The following NBAS variants were observed in gnomAD, a reference collection of about 807,000 sequenced individuals.
NBAS encodes the protein NAG/BC035112 fusion.
Under a neutral mutation model 302.5 loss-of-function variants are expected in NBAS, and 219 were observed. The ratio of observed to expected loss-of-function variants is 0.72; its 90% confidence interval spans 0.65 to 0.81. The LOEUF (loss-of-function observed/expected upper bound fraction) is 0.81, where lower values mean the gene tolerates loss of function less well. Among genes scored for constraint, NBAS ranks in the 30% least tolerant of loss-of-function variants. The pLI is 0.00. For missense variants in NBAS, 2,932 were observed against 2,841.6 expected, an observed-to-expected ratio of 1.03 and a Z score of -0.72; for synonymous variants, 1,118 against 1,021.6, an observed-to-expected ratio of 1.09 and a Z score of -1.80.
the NBAS span, among the ~76,000 whole-genome samples, chr2:15,111,584 G>A: frequency 1.3e-5 from 2 of 151,950 alleles, no homozygotes; most frequent in African/African-American, 4.8e-5. Flanking sequence ...CTCTCTATGT[G>A]CCCTCTACAT....
chr2:14,836,275 T>C, the NBAS span, among the ~76,000 whole-genome samples: 2 of 151,940 alleles, frequency 1.3e-5, no homozygotes, highest in East Asian at 1.9e-4. Flanking sequence ...TATTGATGGA[T>C]AGAAGTTTTT....
chr2:14,912,781 A>T, the NBAS span, among the ~76,000 whole-genome samples: 1 of 151,702 alleles, frequency 6.6e-6, no homozygotes, highest in African/African-American at 2.4e-5. Flanking sequence ...CATCTGTTAC[A>T]AGGGAATTTT....
intron 11 of NBAS, among the ~76,000 whole-genome samples, chr2:15,491,984 G>C (rs1456040443): frequency 6.6e-6 from 1 of 152,124 alleles, no homozygotes. Flanking sequence ...GTATTAACTA[G>C]AATGTTCCCA....
At chr2:15,182,188 G>A (rs765498431) in intron 50 of NBAS, among the ~76,000 whole-genome samples, 1 of 152,210 alleles carries the variant, frequency 6.6e-6, no homozygotes, top group African/African-American at 2.4e-5. Flanking sequence ...CCTGCTGCTC[G>A]ACCTCCAGGG....
At chr2:15,509,182 T>C (rs1662020837) in intron 10 of NBAS, among the ~76,000 whole-genome samples, 1 of 152,204 alleles carries the variant, frequency 6.6e-6, no homozygotes, top group African/African-American at 2.4e-5. Context: ...CATCATAGCA[T>C]ATATTAGTGC....
chr2:15,144,454 T>C, the NBAS span, among the ~76,000 whole-genome samples: 5 of 152,218 alleles, frequency 3.3e-5, no homozygotes, highest in Non-Finnish European at 5.9e-5. Context: ...TTACTATTGA[T>C]TCAGATACAA....
At chr2:14,956,611 G>T in the NBAS span, among the ~76,000 whole-genome samples, 1 of 152,164 alleles carries the variant, frequency 6.6e-6, no homozygotes, top group African/African-American at 2.4e-5. Flanking sequence ...TTACAATCAT[G>T]GCAGAAAAGG....
the NBAS span, among the ~76,000 whole-genome samples, chr2:15,135,943 C>T: frequency 2.6e-5 from 4 of 150,996 alleles, no homozygotes; most frequent in African/African-American, 9.7e-5. Flanking sequence ...TGTTTTGGGT[C>T]GCATTCAAAG....
At chr2:14,845,163 T>A in the NBAS span, among the ~76,000 whole-genome samples, 2 of 152,130 alleles carry the variant, frequency 1.3e-5, no homozygotes, top group African/African-American at 4.8e-5. Context: ...GCCACAGGGG[T>A]GCTTGTGTCA....
intron 22 of NBAS, among the ~76,000 whole-genome samples, chr2:15,425,862 T>C (rs1677446281): frequency 6.6e-6 from 1 of 152,094 alleles, no homozygotes; most frequent in South Asian, 2.1e-4. Flanking sequence ...CGCTCCTCCT[T>C]CTGGAAATGC....
At chr2:15,225,975 C>T (rs1667136471) in intron 47 of NBAS, among the ~76,000 whole-genome samples, 1 of 152,126 alleles carries the variant, frequency 6.6e-6, no homozygotes, top group African/African-American at 2.4e-5. Context: ...CACTTGGGAG[C>T]TGGTTAGAAA....
At chr2:14,894,649 C>T in the NBAS span, among the ~76,000 whole-genome samples, 2 of 151,896 alleles carry the variant, frequency 1.3e-5, no homozygotes, top group African/African-American at 4.8e-5. Context: ...GGAATACTGC[C>T]ATATTGAAGG....
chr2:15,112,242 CAG>C, the NBAS span, among the ~76,000 whole-genome samples: 800 of 150,990 alleles, frequency 5.3e-3, 6 homozygotes, highest in South Asian at 0.03. Context: ...AAATAGAACT[CAG>C]AAAAAAGAGA....
intron 12 of NBAS, among the ~76,000 whole-genome samples, chr2:15,479,641 C>G (rs1288942522): frequency 1.3e-5 from 2 of 152,148 alleles, no homozygotes; most frequent in African/African-American, 4.8e-5. Context: ...ATAAATAACT[C>G]TCACTTGAGA....
chr2:15,548,408 G>A (rs961401494), intron 6 of NBAS, among the ~76,000 whole-genome samples: 2 of 152,186 alleles, frequency 1.3e-5, no homozygotes, highest in African/African-American at 2.4e-5. Context: ...TTGGGAGGCT[G>A]AGGCAGGTGG....
At chr2:15,038,347 G>A in the NBAS span, among the ~76,000 whole-genome samples, 1 of 151,970 alleles carries the variant, frequency 6.6e-6, no homozygotes, top group South Asian at 2.1e-4. Context: ...TCCTGACCTT[G>A]TGATTCGCCT....
chr2:15,102,614 G>A, the NBAS span, among the ~76,000 whole-genome samples: 1 of 152,236 alleles, frequency 6.6e-6, no homozygotes, highest in South Asian at 2.1e-4. Context: ...GCACTCACAG[G>A]TTTGATTAAG....
rs760645953 is a variant in NBAS, at chr2:15,492,096, G to A, written c.955-3074C>T. ...TTCTTTCTTGAACTATCTTATTGTAGAAATTTTCACTTACACACAAAAGTA... is the reference window on the plus strand; with the variant it reads ...TTCTTTCTTGAACTATCTTATTGTAAAAATTTTCACTTACACACAAAAGTA... On this transcript the variant is annotated intron_variant, in intron 11 of 51. Coordinates refer to ENST00000281513, the MANE Select transcript of NBAS (RefSeq NM_015909.4). Among the ~76,000 whole-genome samples, 48 of 152,096 alleles carry A rather than the reference G, an allele frequency of 3.2e-4. 1 individual carries two copies. Among genetic ancestry groups the A allele is most frequent in the Non-Finnish European group, 6.5e-4 (44 of 68,016 alleles).
intron 26 of NBAS, chr2:15,397,785 TG>T: frequency 4.3e-6 from 1 of 230,990 alleles, no homozygotes; most frequent in Admixed American, 5.6e-5. Context: ...TTTGTCATCT[TG>T]GAGGCCCGCA....
Sources: allele counts gnomAD v4.1 joint callset (sites outside exome capture counted in the v4.1 genomes callset), GRCh38; gene constraint gnomAD v4.1.1; transcripts MANE v1.5; gene names NCBI Gene and HGNC (gene_info 2026-07-23, HGNC 2026-07-21).